The following ERMAP variants were observed in gnomAD, a reference collection of about 807,000 sequenced individuals.
The protein encoded by ERMAP is erythroid membrane-associated protein.
A neutral mutation model predicts 49.5 loss-of-function variants in ERMAP; 34 were observed. The observed-to-expected ratio is 0.69, with a 90% CI of 0.52 to 0.91. The LOEUF is 0.91. Ranked by LOEUF, ERMAP falls within the 40% of genes least tolerant of loss-of-function variation. The pLI is 0.00. For missense variants in ERMAP, 541 were observed against 582.6 expected, an observed-to-expected ratio of 0.93 and a Z score of 0.74; for synonymous variants, 214 against 232.2, an observed-to-expected ratio of 0.92 and a Z score of 0.71.
rs1654524831 is a variant in ERMAP, at chr1:42,825,724, C to G, written c.-20C>G. The G allele has an allele frequency of 1.6e-6, 2 of 1,289,402 alleles. No homozygotes were observed. Among genetic ancestry groups the G allele is most frequent in the Non-Finnish European group, 1.0e-6 (1 of 988,878 alleles). The allele number at this position is 1,289,402 out of a possible 1,614,324, so 79.9% of individuals were successfully genotyped here. ...TTGCCTGTGAGAGGAACAAGCGTCC[C>G]TGATCCAGAAGGTGGTGAGTCCTCC... On this transcript the variant is annotated 5_prime_UTR_variant, in exon 2 of 12. Transcript: ENST00000372517.
intron 1 of ERMAP, chr1:42,817,793 A>AAT (rs1654287766): frequency 6.6e-6 from 1 of 152,258 alleles, no homozygotes; most frequent in Non-Finnish European, 1.5e-5. Flanking sequence ...TGTAAATTAA[A>AAT]ATAGCTGGCT....
In ERMAP at chr1:42,830,909, CTGT is replaced by C; in HGVS notation, c.229_231del (p.Val77del). On this transcript the variant is annotated inframe_deletion, in exon 4 of 12. Coordinates refer to ENST00000372517, the MANE Select transcript of ERMAP (RefSeq NM_001017922.2). ...TCCCCATTCCCGCAGCGCTCCCAGG[CTGT>C]TCACATATTCCGGGATGGGAAGGAC... 1 of 1,614,142 alleles carries C rather than the reference CTGT, an allele frequency of 6.2e-7. No homozygotes were observed. Among genetic ancestry groups the C allele is most frequent in the Non-Finnish European group, 8.5e-7 (1 of 1,179,994 alleles).
Position 42,819,911 on chromosome 1 carries a change from A to G in ERMAP, c.-122+2658A>G, listed in dbSNP as rs771567308. Among the ~76,000 whole-genome samples the G allele has an allele frequency of 3.1e-4, 47 of 152,142 alleles. No individual in the cohort carries two copies. Among genetic ancestry groups the G allele is most frequent in the Non-Finnish European group, 6.0e-4 (41 of 68,026 alleles). ...TTCTCTTCTTGTTTCTCCTGTGCCA[A>G]ATCCCCTGCTCTCTGGATCTTATGT... On this transcript the variant is annotated intron_variant, in intron 1 of 11. Transcript: ENST00000372517. This position sits in a 1 kb window ranked among gnomAD's most constrained non-coding sequence, Gnocchi z 5.1.
intron 2 of ERMAP, among the ~76,000 whole-genome samples, chr1:42,829,292 G>C (rs1654644714): frequency 1.3e-5 from 2 of 152,330 alleles, no homozygotes; most frequent in Admixed American, 1.3e-4. Context: ...ATGAGAATGT[G>C]TTCAACGCTA....
intron 7 of ERMAP, 21 bp downstream of exon 7, chr1:42,837,211 G>A (rs182046537): frequency 2.5e-6 from 4 of 1,610,702 alleles, no homozygotes; most frequent in East Asian, 2.2e-5. Context: ...AAAAGAGTAA[G>A]GGGTAGGGAA....
At chr1:42,837,040 A>G (rs1654922504) in intron 6 of ERMAP, 118 bp from the exon 7 acceptor site, 2 of 982,374 alleles carry the variant, frequency 2.0e-6, no homozygotes, top group Non-Finnish European at 1.6e-6. Context: ...AGACCGGATC[A>G]GGGAGGTGGA....
rs1557610946 is a variant in ERMAP, at chr1:42,835,040, C to T, written c.436C>T (p.Pro146Ser). 7.6e-7 allele frequency: 1 copy of T among 1,309,536 alleles called. No homozygotes were observed. The highest frequency in any genetic ancestry group is 1.9e-4 in the Middle Eastern group (1 of 5,400). The allele number at this position is 1,309,536 out of a possible 1,614,324, so 81.1% of individuals were successfully genotyped here. A position where few individuals can be genotyped will look rare whatever the true frequency, so the allele number is the denominator to read the frequency against. ...EDTVILQVAA[P>S]SVGSLSPSAV... is the part of the protein sequence containing the mutation. ...GTCGTTGGTGGTTTCTGTTTCAGCCCCATCTGTGGGGAGTCTCTCCCCCTC... is the reference window on the plus strand; with the variant it reads ...GTCGTTGGTGGTTTCTGTTTCAGCCTCATCTGTGGGGAGTCTCTCCCCCTC... Residue 146 changes from proline to serine, a missense_variant and splice_region_variant, in exon 5 of 12, where the codon CCA (proline) becomes TCA (serine). Transcript: ENST00000372517.
At chr1:42,829,835 T>C (rs1283466633) in intron 2 of ERMAP, 2 of 153,134 alleles carry the variant, frequency 1.3e-5, no homozygotes, top group African/African-American at 2.4e-5. Context: ...GAGCTAGTAA[T>C]AGGTAGAGCT....
intron 1 of ERMAP, among the ~76,000 whole-genome samples, chr1:42,823,192 T>C (rs1240800320): frequency 6.6e-6 from 1 of 152,234 alleles, no homozygotes; most frequent in Non-Finnish European, 1.5e-5. Context: ...TCTGAAACCA[T>C]AGCAATGACC....
chr1:42,842,459 T>C, intron 11 of ERMAP, 58 bp from the exon 12 acceptor site: 1 of 1,483,696 alleles, frequency 6.7e-7, no homozygotes, highest in Non-Finnish European at 9.1e-7. Context: ...TCCAAAGCCA[T>C]CCCCAAATCC....
At chr1:42,827,394 C>G (rs1257263435) in intron 2 of ERMAP, among the ~76,000 whole-genome samples, 3 of 152,156 alleles carry the variant, frequency 2.0e-5, no homozygotes, top group Non-Finnish European at 4.4e-5. Flanking sequence ...AGGCTGGTCT[C>G]AAACTCCTGG....
At chr1:42,824,841 G>T (rs1163674388) in intron 1 of ERMAP, 1 of 152,174 alleles carries the variant, frequency 6.6e-6, no homozygotes, top group African/African-American at 2.4e-5. Flanking sequence ...GGGCTGCACA[G>T]CCTTCCAAGG....
In ERMAP at chr1:42,831,037, G is replaced by C; in HGVS notation, c.355G>C (p.Glu119Gln). The C allele has an allele frequency of 6.2e-7, 1 of 1,614,200 alleles. No homozygotes were observed. The highest frequency in any genetic ancestry group is 8.5e-7 in the Non-Finnish European group (1 of 1,180,012). Reference protein sequence around the residue: ...VTLQILDVRLEDQGSYRCLIQ... With the variant: ...VTLQILDVRLQDQGSYRCLIQ... ...TCTGCAGATCCTTGACGTGCGCCTT[G>C]AGGACCAAGGGTCTTACCGATGTCT... The change falls in exon 4 of 12, where the codon GAG (glutamate) becomes CAG (glutamine). Residue 119 changes from glutamate to glutamine, a missense_variant. Transcript: ENST00000372517.
rs763959022 is a variant in ERMAP, at chr1:42,830,844, C to G, written c.162C>G (p.Leu54=). 6.2e-7 allele frequency: 1 copy of G among 1,604,154 alleles called. No individual in the cohort carries two copies. The highest frequency in any genetic ancestry group is 1.7e-5 in the Admixed American group (1 of 58,056). The part of the protein sequence containing the change: ...GTAELLCPLS[L]WPGTVPKEVR... The stretch of plus-strand genomic sequence containing the variant: ...CCGAGCTGCTCTGCCCTCTCTCCCT[C>G]TGGCCCGGGACGGTACCCAAGGAGG... The change falls in exon 4 of 12, where the codon CTC becomes CTG. Residue 54 remains leucine (L), a synonymous_variant. Coordinates refer to ENST00000372517, the MANE Select transcript of ERMAP (RefSeq NM_001017922.2).
In ERMAP at chr1:42,842,722, T is replaced by C. The variant is rs1655095567; in HGVS notation, c.918T>C (p.Ile306=). The C allele has an allele frequency of 6.2e-7, 1 of 1,614,204 alleles. No homozygotes were observed. Among genetic ancestry groups the C allele is most frequent in the Non-Finnish European group, 8.5e-7 (1 of 1,180,036 alleles). ...EVYVGDKTKW[I]LGVCSESVSR... ...ATGTGGGAGACAAGACCAAATGGAT[T>C]CTTGGAGTATGTAGTGAGTCAGTGA... is the stretch of plus-strand genomic sequence containing the variant. Residue 306 remains isoleucine (I), a synonymous_variant, in exon 12 of 12, where the codon ATT becomes ATC. Coordinates refer to ENST00000372517, the MANE Select transcript of ERMAP (RefSeq NM_001017922.2).
Position 42,838,855 on chromosome 1 carries a change from A to C in ERMAP, c.617-46A>C. The C allele has an allele frequency of 1.9e-6, 3 of 1,611,642 alleles. No individual in the cohort carries two copies. In the South Asian group the frequency reaches 3.3e-5, roughly 18 times the overall value. ...GGCTGCCACAGCTCTGAGGAAAAAGAGGCAGGATCTGATCACTCACTCTTC... is the reference window on the plus strand; with the variant it reads ...GGCTGCCACAGCTCTGAGGAAAAAGCGGCAGGATCTGATCACTCACTCTTC... On this transcript the variant is annotated intron_variant, in intron 7 of 11. Coordinates refer to ENST00000372517, the MANE Select transcript of ERMAP (RefSeq NM_001017922.2).
intron 7 of ERMAP, 42 bp downstream of exon 7, chr1:42,837,232 AT>A: frequency 6.3e-7 from 1 of 1,587,246 alleles, no homozygotes; most frequent in Non-Finnish European, 8.6e-7. Context: ...CAAAAAACAC[AT>A]TCTTTATTTT....
intron 10 of ERMAP, 32 bp downstream of exon 10, chr1:42,840,210 A>AT: frequency 6.2e-7 from 1 of 1,613,870 alleles, no homozygotes; most frequent in Non-Finnish European, 8.5e-7. Flanking sequence ...TTTGACCACC[A>AT]CCCTACAGGA....
At position 42,830,869 on chromosome 1, in the gene ERMAP, G is replaced by T; in HGVS notation, c.187G>T (p.Val63Leu). The T allele has an allele frequency of 6.2e-7, 1 of 1,612,598 alleles. No homozygotes were observed. Among genetic ancestry groups the T allele is most frequent in the Non-Finnish European group, 8.5e-7 (1 of 1,179,276 alleles). ...SLWPGTVPKEVRWLRSPFPQR... is the reference protein window; with the variant it reads ...SLWPGTVPKELRWLRSPFPQR... Reference sequence around the variant, plus strand: ...CTGGCCCGGGACGGTACCCAAGGAGGTGAGGTGGCTGCGGTCCCCATTCCC... The same window carrying T: ...CTGGCCCGGGACGGTACCCAAGGAGTTGAGGTGGCTGCGGTCCCCATTCCC... Residue 63 changes from valine (V) to leucine (L), a missense_variant, in exon 4 of 12, where the codon GTG (valine) becomes TTG (leucine). Transcript: ENST00000372517.
Sources: allele counts gnomAD v4.1 joint callset (sites outside exome capture counted in the v4.1 genomes callset), GRCh38; gene constraint gnomAD v4.1.1; non-coding constraint Gnocchi (gnomAD v3.1); transcripts MANE v1.5; gene names NCBI Gene and HGNC (gene_info 2026-07-23, HGNC 2026-07-21).